NDRG2: variants seen among roughly 807,000 people sequenced by gnomAD.
The protein encoded by NDRG2 is NDRG family member 2, also known as protein NDRG2.
In NDRG2, 34 loss-of-function variants were observed where a neutral mutation model predicts 58.2. That is an observed-to-expected ratio of 0.58 (90% CI 0.44 to 0.78). The LOEUF (loss-of-function observed/expected upper bound fraction) is 0.78. Ranked by LOEUF, NDRG2 falls within the 30% of genes least tolerant of loss-of-function variation. The pLI is 0.00. For synonymous variants in NDRG2, 187 were observed against 175.9 expected, an observed-to-expected ratio of 1.06 and a Z score of -0.50; for missense variants, 434 against 471.2, an observed-to-expected ratio of 0.92 and a Z score of 0.73.
At chr14:21,039,063 G>T (rs910870187) in intron 1 of NDRG2, among the ~76,000 whole-genome samples, 2 of 152,188 alleles carry the variant, frequency 1.3e-5, no homozygotes, top group South Asian at 4.1e-4. Context: ...GAACTCTCAC[G>T]GGCTTTCCAT....
chr14:21,041,237 C>T (rs1479642818), intron 1 of NDRG2, among the ~76,000 whole-genome samples: 2 of 152,172 alleles, frequency 1.3e-5, no homozygotes, highest in African/African-American at 4.8e-5. Flanking sequence ...TTAGGCAATC[C>T]TCCTGCCATG....
chr14:21,032,887 G>A (rs181789776), intron 1 of NDRG2: 17 of 452,694 alleles, frequency 3.8e-5, no homozygotes, highest in Admixed American at 3.6e-4. Flanking sequence ...TGGTACAGAG[G>A]GGGCTCGTGT....
intron 1 of NDRG2, among the ~76,000 whole-genome samples, chr14:21,051,942 T>C (rs914543207): frequency 3.3e-5 from 5 of 152,190 alleles, no homozygotes; most frequent in African/African-American, 7.2e-5. Flanking sequence ...CCTGAAAGAA[T>C]GGGTCTTTGG....
In NDRG2 at chr14:21,058,555, C is replaced by G; in HGVS notation, c.24+12273G>C. ...AAAGAAGAGGGCAGATTCTCTTCAG[C>G]CTTTCATTGTAGCTTACTTTGCAGC... On this transcript the variant is annotated intron_variant, in intron 1 of 14. Coordinates refer to the NDRG2 transcript ENST00000403829. 6.9e-6 allele frequency: 4 copies of G among 576,264 alleles called. No individual in the cohort carries two copies. In the South Asian group the frequency reaches 9.0e-5, roughly 13 times the overall value. The allele number at this position is 576,264 out of a possible 1,614,324, so 35.7% of individuals were successfully genotyped here.
chr14:21,057,780 T>C (rs1282204433), intron 1 of NDRG2: 2 of 872,764 alleles, frequency 2.3e-6, no homozygotes, highest in Non-Finnish European at 3.5e-6. Flanking sequence ...CACATTGCCC[T>C]GCAATAACTG....
Position 21,024,018 on chromosome 14 carries a change from G to C in NDRG2, c.-7+12C>G, listed in dbSNP as rs969983233. ...GGAAGGAGCCTGCAGCCTGCGGGGT[G>C]GGGTCACTTACTGGGCTCCTATTGG... On this transcript the variant is annotated intron_variant, in intron 1 of 15. Transcript: ENST00000556147. 7 of 985,602 alleles carry C rather than the reference G, an allele frequency of 7.1e-6. No homozygotes were observed. The African/African-American group carries it at 8.7e-5, about 12-fold the overall frequency. 61.1% of individuals were successfully genotyped at this position (985,602 alleles called of 1,614,324 possible). A position where few individuals can be genotyped will look rare whatever the true frequency, so the allele number is the denominator to read the frequency against.
At chr14:21,043,338 C>T (rs1243469) in intron 1 of NDRG2, 1,411,077 of 1,614,008 alleles carry the variant, frequency 0.87, 618,677 homozygotes, top group Admixed American at 0.92. Context: ...CTCAGGGAAG[C>T]ATCCGAACTG....
intron 12 of NDRG2, 40 bp downstream of exon 12, chr14:21,018,723 C>T (rs1378909230): frequency 6.2e-7 from 1 of 1,613,172 alleles, no homozygotes. Flanking sequence ...TTTAGGACCC[C>T]AACCCTCCTC....
At chr14:21,057,777 C>T (rs973393213) in intron 1 of NDRG2, 1 of 845,162 alleles carries the variant, frequency 1.2e-6, no homozygotes, top group South Asian at 1.7e-5. Flanking sequence ...CTGCACATTG[C>T]CCTGCAATAA....
At chr14:21,053,428 C>A (rs191441531) in intron 1 of NDRG2, among the ~76,000 whole-genome samples, 1 of 152,228 alleles carries the variant, frequency 6.6e-6, no homozygotes, top group Non-Finnish European at 1.5e-5. Flanking sequence ...GAGTTCGAGA[C>A]CAGCCTGGCC....
At chr14:21,065,561 GA>G (rs2139169440) in intron 1 of NDRG2, among the ~76,000 whole-genome samples, 1 of 152,260 alleles carries the variant, frequency 6.6e-6, no homozygotes, top group South Asian at 2.1e-4. Context: ...AATCAATAGA[GA>G]AAAATGCTAT....
At position 21,033,871 on chromosome 14, in the gene NDRG2, G is replaced by A. The variant is rs533786523; in HGVS notation, c.25-10550C>T. The A allele has an allele frequency of 1.7e-5, 27 of 1,614,052 alleles. No homozygotes were observed. Among genetic ancestry groups the A allele is most frequent in the South Asian group, 5.5e-5 (5 of 91,074 alleles). On this transcript the variant is annotated intron_variant, in intron 1 of 14. Coordinates refer to the NDRG2 transcript ENST00000403829. The stretch of plus-strand genomic sequence containing the variant: ...CCTATTGGATCAGCTTCATACTTGC[G>A]GGAGCAGAGTAGGTAGAGCTTCTGG...
At chr14:21,047,610 G>A (rs574303211) in intron 1 of NDRG2, among the ~76,000 whole-genome samples, 2 of 152,216 alleles carry the variant, frequency 1.3e-5, no homozygotes, top group Non-Finnish European at 2.9e-5. Context: ...AAAGGAGAAT[G>A]CTTAATTATG....
intron 11 of NDRG2, 108 bp downstream of exon 11, chr14:21,019,008 G>C (rs1878528766): frequency 1.5e-6 from 2 of 1,326,298 alleles, no homozygotes; most frequent in African/African-American, 2.9e-5. Context: ...GATGGGGTGG[G>C]ACATGACAAG....
intron 9 of NDRG2, 31 bp from the exon 10 acceptor site, chr14:21,019,773 G>T: frequency 6.5e-7 from 1 of 1,533,446 alleles, no homozygotes; most frequent in Non-Finnish European, 9.0e-7. Context: ...AAAAATTAGG[G>T]ATGGAAAGAG....
intron 1 of NDRG2, chr14:21,031,914 T>C (rs1178313668): frequency 4.3e-6 from 7 of 1,613,912 alleles, no homozygotes; most frequent in African/African-American, 1.3e-5. Flanking sequence ...GTGGGTGCAG[T>C]GGACCGTTTG....
intron 1 of NDRG2, chr14:21,043,741 C>A (rs1358943966): frequency 1.9e-5 from 7 of 365,734 alleles, no homozygotes; most frequent in East Asian, 4.9e-5. Context: ...GTCTCCCCTG[C>A]CCCCTGGCAT....
rs1280050316 is a variant in NDRG2, at chr14:21,021,869, G to A, written c.355C>T (p.Pro119Ser). ...ATGTCTGCAAGCTGGTCCAGAGATG[G>A]GTACTGATATCTGGAAAAGAGAGGC... Reference protein sequence around the residue: ...APVFPLGYQYPSLDQLADMIP... With the variant: ...APVFPLGYQYSSLDQLADMIP... The change falls in exon 6 of 16, where the codon CCA becomes TCA. Residue 119 changes from proline (P) to serine (S), a missense_variant. Pro to Ser is a moderately conservative substitution (Grantham distance 74). Coordinates refer to ENST00000556147, the MANE Select transcript of NDRG2 (RefSeq NM_001320329.2). 10 of 1,613,040 alleles carry A rather than the reference G, an allele frequency of 6.2e-6. No individual in the cohort carries two copies. The highest frequency in any genetic ancestry group is 1.3e-5 in the African/African-American group (1 of 74,830).
intron 1 of NDRG2, among the ~76,000 whole-genome samples, chr14:21,057,145 T>G (rs909914369): frequency 6.6e-6 from 1 of 152,156 alleles, no homozygotes; most frequent in Non-Finnish European, 1.5e-5. Flanking sequence ...CAAGATTTAG[T>G]TTCTCTTAAC....
Sources: allele counts gnomAD v4.1 joint callset (sites outside exome capture counted in the v4.1 genomes callset), GRCh38; gene constraint gnomAD v4.1.1; transcripts MANE v1.5; gene names NCBI Gene and HGNC (gene_info 2026-07-23, HGNC 2026-07-21).